HERC4: variants seen among roughly 807,000 people sequenced by gnomAD.
HERC4 encodes the protein HECT and RLD domain containing E3 ubiquitin protein ligase 4.
In HERC4, 28 loss-of-function variants were observed where a neutral mutation model predicts 124.3. The observed-to-expected ratio is 0.23, with a 90% CI of 0.17 to 0.31. HERC4 has a LOEUF of 0.31. Ranked by LOEUF, HERC4 falls within the 10% of genes least tolerant of loss-of-function variation. HERC4 has a pLI of 1.00. For synonymous variants in HERC4, 407 were observed against 421.5 expected (o/e 0.97, Z 0.42); for missense variants, 713 against 1,229.3 (o/e 0.58, Z 6.28).
intron 4 of HERC4, 22 bp from the exon 5 acceptor site, chr10:68,038,191 C>T: frequency 1.6e-6 from 2 of 1,252,818 alleles, no homozygotes; most frequent in Non-Finnish European, 2.2e-6. Context: ...GAAGACAGAT[C>T]AAGACCAGTT....
chr10:68,034,269 T>A lies in HERC4; in HGVS notation c.464-83A>T, dbSNP rs532068045. On this transcript the variant is annotated intron_variant, in intron 5 of 24. Transcript: ENST00000373700. ...GAAAATAATCATTTCATTTCAAATT[T>A]CATATAAAGAATATTATTTTGGGAC... The A allele has an allele frequency of 7.1e-6, 7 of 980,730 alleles. No individual in the cohort carries two copies. In the East Asian group the frequency reaches 1.8e-4, roughly 26 times the overall value. 60.8% of individuals were successfully genotyped at this position (980,730 alleles called of 1,614,324 possible).
intron 8 of HERC4, among the ~76,000 whole-genome samples, chr10:68,019,923 C>T (rs949745911): frequency 6.6e-6 from 1 of 152,180 alleles, no homozygotes; most frequent in Admixed American, 6.5e-5. Context: ...AAAGAGACTT[C>T]CAAGGAATTC....
At chr10:68,019,431 A>G (rs947286470) in intron 8 of HERC4, among the ~76,000 whole-genome samples, 1 of 152,148 alleles carries the variant, frequency 6.6e-6, no homozygotes, top group Non-Finnish European at 1.5e-5. Flanking sequence ...GAGATCACAG[A>G]AAGAGATCCA....
intron 8 of HERC4, 38 bp from the exon 9 acceptor site, chr10:68,014,224 AC>A: frequency 6.8e-7 from 1 of 1,467,906 alleles, no homozygotes; most frequent in Non-Finnish European, 9.1e-7. Context: ...ACTTAATGTT[AC>A]CTTCCAACAA....
chr10:68,037,091 C>CTTTTTTTTTTT (rs35105661), intron 5 of HERC4, among the ~76,000 whole-genome samples: 1 of 106,946 alleles, frequency 9.4e-6, no homozygotes, highest in African/African-American at 3.8e-5. Context: ...CCTATTTCTT[C>CTTTTTTTTTTT]TTTTTTTTTT....
intron 3 of HERC4, among the ~76,000 whole-genome samples, chr10:68,063,989 T>C (rs1284431731): frequency 6.9e-6 from 1 of 145,102 alleles, no homozygotes; most frequent in Non-Finnish European, 1.5e-5. Context: ...ATGCCTGTAA[T>C]CTCAGCACTT....
chr10:67,957,520 TATTATC>T (rs2034219786), intron 16 of HERC4, among the ~76,000 whole-genome samples: 1 of 152,182 alleles, frequency 6.6e-6, no homozygotes, highest in Admixed American at 6.5e-5. Context: ...ACTGATCTAT[TATTATC>T]ATTATTAGAC....
chr10:67,998,730 G>A (rs528938979), intron 9 of HERC4, among the ~76,000 whole-genome samples: 1 of 152,134 alleles, frequency 6.6e-6, no homozygotes, highest in Admixed American at 6.6e-5. Context: ...ATGTTCTTCA[G>A]GCTTACCCAT....
At chr10:67,932,352 C>T (rs946080022) in intron 23 of HERC4, among the ~76,000 whole-genome samples, 9 of 152,172 alleles carry the variant, frequency 5.9e-5, no homozygotes, top group Non-Finnish European at 1.2e-4. Context: ...CCCCAAAGTG[C>T]TGGGGTTATA....
intron 3 of HERC4, among the ~76,000 whole-genome samples, chr10:68,050,047 C>T (rs530146056): frequency 6.6e-6 from 1 of 152,120 alleles, no homozygotes; most frequent in South Asian, 2.1e-4. Context: ...ACTAAAAAAA[C>T]AAAACATTAG....
At chr10:67,963,835 G>A (rs1384040117) in intron 16 of HERC4, among the ~76,000 whole-genome samples, 1 of 152,022 alleles carries the variant, frequency 6.6e-6, no homozygotes, top group Non-Finnish European at 1.5e-5. Flanking sequence ...CTTTTATACT[G>A]CAATATCTAT....
chr10:67,927,416 ATATATATATATATATTTTTTTT>A (rs1401792532), intron 23 of HERC4, among the ~76,000 whole-genome samples: 1 of 8,962 alleles, frequency 1.1e-4, no homozygotes, highest in African/African-American at 4.4e-4. Context: ...ATATATATAT[ATATATATATATATATTTTTTTT>A]TTTTTTTAGA....
At chr10:67,988,989 AAGGTTTATAAAC>A (rs2036414179) in intron 14 of HERC4, among the ~76,000 whole-genome samples, 154 bp from the exon 15 acceptor site, 1 of 152,078 alleles carries the variant, frequency 6.6e-6, no homozygotes, top group African/African-American at 2.4e-5. Context: ...TAACATTTGT[AAGGTTTATAAAC>A]CTCCCCCCGA....
At chr10:67,998,340 G>A (rs1202667634) in intron 9 of HERC4, among the ~76,000 whole-genome samples, 1 of 151,706 alleles carries the variant, frequency 6.6e-6, no homozygotes, top group African/African-American at 2.4e-5. Flanking sequence ...CTGAGGTCAG[G>A]AGTTTGAGAA....
At chr10:67,959,090 G>T in intron 16 of HERC4, 1 of 1,588,448 alleles carries the variant, frequency 6.3e-7, no homozygotes. Context: ...CTCTAAACAT[G>T]AGCTTTATTA....
At chr10:67,946,874 T>A (rs2033404769) in intron 19 of HERC4, among the ~76,000 whole-genome samples, 1 of 152,084 alleles carries the variant, frequency 6.6e-6, no homozygotes, top group South Asian at 2.1e-4. Flanking sequence ...GCCACTGCAC[T>A]CCAGCCTGGG....
chr10:68,071,810 T>C (rs1312605665), intron 3 of HERC4, among the ~76,000 whole-genome samples: 2 of 152,132 alleles, frequency 1.3e-5, no homozygotes, highest in Non-Finnish European at 2.9e-5. Flanking sequence ...AAAAATAAAT[T>C]ACAAATTAAG....
At chr10:68,050,290 T>A (rs574436130) in intron 3 of HERC4, among the ~76,000 whole-genome samples, 1 of 152,352 alleles carries the variant, frequency 6.6e-6, no homozygotes, top group Admixed American at 6.5e-5. Flanking sequence ...CTTCTCAATG[T>A]GTATTTAAAT....
chr10:67,990,930 G>C lies in HERC4; in HGVS notation c.1417C>G (p.Pro473Ala). ...ARLLFHKLIQPDHPQISQQVA... is the reference protein window; with the variant it reads ...ARLLFHKLIQADHPQISQQVA... ...TGCTGAGATATCTGCGGATGATCAG[G>C]TTGTATAAGTTTGTGGAATAAAAGC... The change falls in exon 13 of 25, where the codon CCT (proline) becomes GCT (alanine). Residue 473 changes from proline to alanine, a missense_variant. Transcript: ENST00000373700. 6.2e-7 allele frequency: 1 copy of C among 1,605,754 alleles called. No homozygotes were observed. The highest frequency in any genetic ancestry group is 1.1e-5 in the South Asian group (1 of 90,254).
Sources: allele counts gnomAD v4.1 joint callset (sites outside exome capture counted in the v4.1 genomes callset), GRCh38; gene constraint gnomAD v4.1.1; transcripts MANE v1.5; gene names NCBI Gene and HGNC (gene_info 2026-07-23, HGNC 2026-07-21).